LAX1: variants seen among roughly 807,000 people sequenced by gnomAD.
LAX1 encodes the protein lymphocyte transmembrane adapter 1.
LAX1 carries 17 observed loss-of-function variants against 20.7 expected under a neutral mutation model. That is an observed-to-expected ratio of 0.82 (90% CI 0.56 to 1.23). LAX1 has a LOEUF of 1.23. LAX1 is among the 50% of genes most tolerant of loss of function. The pLI, the probability that LAX1 is intolerant of heterozygous loss-of-function variation, is 0.00. For synonymous variants in LAX1, 165 were observed against 181.0 expected (o/e 0.91, Z 0.71); for missense variants, 470 against 487.0 (o/e 0.97, Z 0.33).
chr1:203,770,510 GAAGAAAGAAAGAAAGAAAGAAAGAAAGA>G (rs1326354763), intron 1 of LAX1, among the ~76,000 whole-genome samples: 1 of 16,886 alleles, frequency 5.9e-5, no homozygotes, highest in African/African-American at 2.1e-4. Context: ...AGGAAGGAAG[GAAGAAAGAAAGAAAGAAAGAAAGAAAGA>G]AAGAAAGAAA....
chr1:203,770,892 G>T lies in LAX1; in HGVS notation c.154G>T (p.Val52Phe), dbSNP rs763868284. Residue 52 changes from valine (V) to phenylalanine (F), a missense_variant, in exon 2 of 5, where the codon GTT becomes TTT. Coordinates refer to ENST00000442561, the MANE Select transcript of LAX1 (RefSeq NM_017773.4). ...GGGACTCCTCGCCATCCTCCTGGTCGTTGCGGTTTTCTGCATCTTGTGGAA... is the reference window on the plus strand; with the variant it reads ...GGGACTCCTCGCCATCCTCCTGGTCTTTGCGGTTTTCTGCATCTTGTGGAA... ...FAGLLAILLV[V>F]AVFCILWNWN... is the part of the protein sequence containing the mutation. 7 of 1,614,058 alleles carry T rather than the reference G, an allele frequency of 4.3e-6. No individual in the cohort carries two copies. Among genetic ancestry groups the T allele is most frequent in the Non-Finnish European group, 5.1e-6 (6 of 1,180,030 alleles).
rs1184948260 is a variant in LAX1, at chr1:203,775,013, C to A, written c.*332C>A. The A allele has an allele frequency of 3.5e-6, 1 of 285,908 alleles. No individual in the cohort carries two copies. Among genetic ancestry groups the A allele is most frequent in the Non-Finnish European group, 6.6e-6 (1 of 152,354 alleles). 17.7% of individuals were successfully genotyped at this position (285,908 alleles called of 1,614,324 possible). On this transcript the variant is annotated 3_prime_UTR_variant, in exon 5 of 5. Coordinates refer to ENST00000442561, the MANE Select transcript of LAX1 (RefSeq NM_017773.4). ...TACCTTCATTAATACCAACAGGCTG[C>A]AAAGCAAGAGTATAGATTATTGTAT...
intron 1 of LAX1, chr1:203,769,795 T>TGGGGGGGGGGGG (rs1558070185): frequency 1.5e-5 from 1 of 65,248 alleles, no homozygotes; most frequent in Non-Finnish European, 3.2e-5. Context: ...CGGCGGGGGG[T>TGGGGGGGGGGGG]GGGGGGTGTT....
At position 203,773,983 on chromosome 1, in the gene LAX1, C is replaced by T. The variant is rs773460046; in HGVS notation, c.499C>T (p.Leu167Phe). Residue 167 changes from leucine to phenylalanine, a missense_variant, in exon 5 of 5, where the codon CTC becomes TTC. Leu to Phe is a conservative substitution (Grantham distance 22, BLOSUM62 0). Coordinates refer to ENST00000442561, the MANE Select transcript of LAX1 (RefSeq NM_017773.4). ...CATGGTCCCCCAGATGTGTGGGAAC[C>T]TCACTCCCTCGGCACACTGCATCAA... ...NAMVPQMCGN[L>F]TPSAHCINVR... 1.9e-6 allele frequency: 3 copies of T among 1,613,914 alleles called. No homozygotes were observed. The highest frequency in any genetic ancestry group is 2.5e-6 in the Non-Finnish European group (3 of 1,179,966).
intron 1 of LAX1, among the ~76,000 whole-genome samples, chr1:203,769,214 TC>T (rs941037334): frequency 2.0e-5 from 3 of 150,948 alleles, no homozygotes; most frequent in African/African-American, 7.3e-5. Context: ...CATGGTGAAA[TC>T]CCATCTCTAA....
intron 1 of LAX1, among the ~76,000 whole-genome samples, 184 bp downstream of exon 1, chr1:203,765,838 T>C (rs1415570689): frequency 1.6e-4 from 24 of 152,048 alleles, no homozygotes; most frequent in Admixed American, 1.6e-3. Flanking sequence ...AGGAAGGTAT[T>C]GAGGAAAGAA....
At chr1:203,770,457 GGAAGGAAGGAAGGAAGGAAGGA>G (rs1426520257) in intron 1 of LAX1, among the ~76,000 whole-genome samples, 7 of 28,960 alleles carry the variant, frequency 2.4e-4, no homozygotes, top group African/African-American at 7.2e-4. Context: ...GAGAGAGAAA[GGAAGGAAGGAAGGAAGGAAGGA>G]AGGAAGGAAG....
intron 4 of LAX1, among the ~76,000 whole-genome samples, chr1:203,772,755 AACC>A: frequency 7.3e-6 from 1 of 136,608 alleles, no homozygotes; most frequent in East Asian, 2.0e-4. Flanking sequence ...TGCTCACTCC[AACC>A]TCTGCTTCCT....
intron 1 of LAX1, 58 bp from the exon 2 acceptor site, chr1:203,770,770 C>A: frequency 7.3e-7 from 1 of 1,367,734 alleles, no homozygotes; most frequent in Non-Finnish European, 1.0e-6. Context: ...AAGGAAATGT[C>A]TCCTCCAGCC....
At chr1:203,770,797 G>T (rs1414710039) in intron 1 of LAX1, 31 bp from the exon 2 acceptor site, 1 of 1,554,264 alleles carries the variant, frequency 6.4e-7, no homozygotes, top group Non-Finnish European at 8.9e-7. Flanking sequence ...CCCTCCTACA[G>T]CTAGCACATG....
At position 203,774,398 on chromosome 1, in the gene LAX1, G is replaced by T; in HGVS notation, c.914G>T (p.Ser305Ile). 1.2e-6 allele frequency: 2 copies of T among 1,614,246 alleles called. No individual in the cohort carries two copies. The highest frequency in any genetic ancestry group is 1.7e-6 in the Non-Finnish European group (2 of 1,180,042). ...ENVPAADPSG[S>I]QQQAEKDVPS... ...GTTCCAGCAGCAGATCCCAGTGGAA[G>T]CCAGCAGCAGGCTGAGAAAGATGTG... Residue 305 changes from serine (S) to isoleucine (I), a missense_variant, in exon 5 of 5, where the codon AGC becomes ATC. By Grantham distance (142) the Ser-to-Ile change is moderately radical. Coordinates refer to ENST00000442561, the MANE Select transcript of LAX1 (RefSeq NM_017773.4).
chr1:203,773,251 T>G lies in LAX1; in HGVS notation c.391-624T>G, dbSNP rs148516204. ...TTGTTATAGGACCAACAGGTTTGTGTGTCTGCTGCCCGGTAACAGAACATA... is the reference window on the plus strand; with the variant it reads ...TTGTTATAGGACCAACAGGTTTGTGGGTCTGCTGCCCGGTAACAGAACATA... On this transcript the variant is annotated intron_variant, in intron 4 of 4. Coordinates refer to ENST00000442561, the MANE Select transcript of LAX1 (RefSeq NM_017773.4). Among the ~76,000 whole-genome samples, 537 of 152,214 alleles carry G rather than the reference T, an allele frequency of 3.5e-3. 3 individuals carry two copies. In the South Asian group the frequency reaches 0.036, roughly 10 times the overall value.
intron 1 of LAX1, among the ~76,000 whole-genome samples, chr1:203,767,303 CTTTTT>C (rs755164305): frequency 3.3e-5 from 3 of 90,450 alleles, no homozygotes; most frequent in East Asian, 8.0e-4. Flanking sequence ...CTCTCCACTT[CTTTTT>C]TTTTTTTTTT....
intron 2 of LAX1, 30 bp from the exon 3 acceptor site, chr1:203,771,337 A>G (rs1165437735): frequency 1.5e-6 from 2 of 1,364,916 alleles, no homozygotes; most frequent in Non-Finnish European, 2.1e-6. Flanking sequence ...GACCCCCGCC[A>G]TGACTCCCAT....
At chr1:203,767,086 C>G (rs1667317197) in intron 1 of LAX1, among the ~76,000 whole-genome samples, 1 of 151,708 alleles carries the variant, frequency 6.6e-6, no homozygotes, top group South Asian at 2.1e-4. Flanking sequence ...TCTCGAACTC[C>G]CTACCTTAGG....
Position 203,774,727 on chromosome 1 carries a change from A to T in LAX1, c.*46A>T. On this transcript the variant is annotated 3_prime_UTR_variant, in exon 5 of 5. Transcript: ENST00000442561. ...AAAGCCACATTGAGTAGTCTATCCC[A>T]TAGGATTGACTACTGCAGAGTCTAG... 1 of 1,526,356 alleles carries T rather than the reference A, an allele frequency of 6.6e-7. No homozygotes were observed. Among genetic ancestry groups the T allele is most frequent in the Non-Finnish European group, 9.0e-7 (1 of 1,113,336 alleles). 94.6% of individuals were successfully genotyped at this position (1,526,356 alleles called of 1,614,324 possible).
intron 4 of LAX1, among the ~76,000 whole-genome samples, chr1:203,773,582 T>C (rs919155122): frequency 2.0e-5 from 3 of 151,734 alleles, no homozygotes; most frequent in African/African-American, 7.3e-5. Context: ...GTGGTGAGGC[T>C]AGGATTTGTA....
At chr1:203,770,510 G>GAAGAAAGAAAGAAAGAAAGAAAGA (rs1326354763) in intron 1 of LAX1, among the ~76,000 whole-genome samples, 29 of 16,930 alleles carry the variant, frequency 1.7e-3, no homozygotes, top group Non-Finnish European at 2.8e-3. Flanking sequence ...AGGAAGGAAG[G>GAAGAAAGAAAGAAAGAAAGAAAGA]AAGAAAGAAA....
chr1:203,766,402 T>C (rs1424684454), intron 1 of LAX1, among the ~76,000 whole-genome samples: 1 of 152,180 alleles, frequency 6.6e-6, no homozygotes, highest in Non-Finnish European at 1.5e-5. Context: ...GGAGAATCAC[T>C]TGAACCCGGG....
Sources: allele counts gnomAD v4.1 joint callset (sites outside exome capture counted in the v4.1 genomes callset), GRCh38; gene constraint gnomAD v4.1.1; transcripts MANE v1.5; gene names NCBI Gene and HGNC (gene_info 2026-07-23, HGNC 2026-07-21).